Variants in EXOC4 observed in about 807,000 individuals in gnomAD.
EXOC4 encodes SEC8-like 1.
A neutral mutation model predicts 107.2 loss-of-function variants in EXOC4; 71 were observed. That is an observed-to-expected ratio of 0.66 (90% CI 0.55 to 0.81). EXOC4 has a LOEUF of 0.81. Ranked by LOEUF, EXOC4 falls within the 30% of genes least tolerant of loss-of-function variation. The pLI is 0.00. For synonymous variants in EXOC4, 456 were observed against 441.2 expected (o/e 1.03, Z -0.42); for missense variants, 1,108 against 1,189.6 (o/e 0.93, Z 1.01).
chr7:133,851,313 T>C (rs1798235365), intron 11 of EXOC4, among the ~76,000 whole-genome samples: 6 of 152,172 alleles, frequency 3.9e-5, no homozygotes, highest in Admixed American at 2.0e-4. Flanking sequence ...GATCAGATAA[T>C]ATGATAGAAA....
intron 10 of EXOC4, among the ~76,000 whole-genome samples, chr7:133,795,872 A>G (rs1796803183): frequency 6.6e-6 from 1 of 152,178 alleles, no homozygotes; most frequent in Non-Finnish European, 1.5e-5. Flanking sequence ...AAAAATTACC[A>G]TTATTATTCA....
chr7:134,070,156 G>A (rs1375375125), downstream of EXOC4, among the ~76,000 whole-genome samples: 1 of 152,182 alleles, frequency 6.6e-6, no homozygotes, highest in African/African-American at 2.4e-5. Flanking sequence ...GGGTAATGAG[G>A]TACCACGAAC....
intron 7 of EXOC4, among the ~76,000 whole-genome samples, chr7:133,411,919 T>C (rs547551161): frequency 6.6e-6 from 1 of 152,278 alleles, no homozygotes; most frequent in South Asian, 2.1e-4. Context: ...AATACTTGAA[T>C]GTATGTGCTC....
In EXOC4 at chr7:133,744,389, GTC is replaced by G. The variant is rs570783867; in HGVS notation, c.1515-72934_1515-72933del. Reference sequence around the variant, plus strand: ...AGAGCCAGGATTTGAATCCAGGAGAGTCTGATTTAAAAGCACAAACCTTTCAT... The same window carrying G: ...AGAGCCAGGATTTGAATCCAGGAGAGTGATTTAAAAGCACAAACCTTTCAT... On this transcript the variant is annotated intron_variant, in intron 10 of 17. Transcript: ENST00000253861. 7.9e-4 allele frequency among the ~76,000 whole-genome samples: 121 copies of G among 152,202 alleles called. 1 individual carries two copies. The highest frequency in any genetic ancestry group is 6.8e-3 in the Middle Eastern group (2 of 294).
chr7:133,639,229 T>C lies in EXOC4; in HGVS notation c.1514+9088T>C, dbSNP rs77229393. Among the ~76,000 whole-genome samples, 370 of 152,260 alleles carry C rather than the reference T, an allele frequency of 2.4e-3. 5 individuals carry two copies. The highest frequency in any genetic ancestry group is 8.4e-3 in the African/African-American group (347 of 41,552). ...TGTTTCCTTGTATGATTTGGAAAAT[T>C]ATTTTATCATTCCCCTTGCTCCTCA... On this transcript the variant is annotated intron_variant, in intron 10 of 17. Transcript: ENST00000253861.
intron 9 of EXOC4, among the ~76,000 whole-genome samples, chr7:133,622,939 T>A (rs75860441): frequency 0.018 from 2,772 of 152,274 alleles, 53 homozygotes; most frequent in African/African-American, 0.055. Context: ...GAACCTACTC[T>A]ATGTGTGACC....
At chr7:133,335,833 A>G (rs1223089397) in intron 5 of EXOC4, among the ~76,000 whole-genome samples, 1 of 152,154 alleles carries the variant, frequency 6.6e-6, no homozygotes, top group Non-Finnish European at 1.5e-5. Context: ...CTCTATCCTC[A>G]TCAACACTTG....
intron 9 of EXOC4, among the ~76,000 whole-genome samples, chr7:133,591,101 C>G (rs62470025): frequency 0.13 from 20,507 of 152,206 alleles, 1,525 homozygotes; most frequent in East Asian, 0.23. Context: ...CACCCTCTTC[C>G]GGAGTCCCAC....
intron 11 of EXOC4, among the ~76,000 whole-genome samples, chr7:133,866,571 T>C (rs17167308): frequency 0.11 from 17,443 of 152,188 alleles, 1,100 homozygotes; most frequent in Middle Eastern, 0.14. Flanking sequence ...GATTGGTTAA[T>C]TTGAGGCATT....
At chr7:133,927,464 G>A (rs1800078358) in intron 13 of EXOC4, among the ~76,000 whole-genome samples, 1 of 152,184 alleles carries the variant, frequency 6.6e-6, no homozygotes, top group Non-Finnish European at 1.5e-5. Flanking sequence ...CGTAATATAA[G>A]CAACAGCTGT....
At chr7:134,058,628 C>T (rs1266540678) in intron 17 of EXOC4, among the ~76,000 whole-genome samples, 1 of 151,770 alleles carries the variant, frequency 6.6e-6, no homozygotes, top group East Asian at 1.9e-4. Context: ...TTTGTACAAA[C>T]GAATTTGAAT....
chr7:133,281,621 T>C (rs1794144969), intron 2 of EXOC4, among the ~76,000 whole-genome samples: 1 of 152,118 alleles, frequency 6.6e-6, no homozygotes, highest in South Asian at 2.1e-4. Flanking sequence ...TGTTGTATTC[T>C]ATTACAGATA....
chr7:134,005,236 T>A (rs1045246475), intron 16 of EXOC4, 146 bp downstream of exon 16: 10 of 745,312 alleles, frequency 1.3e-5, no homozygotes, highest in Non-Finnish European at 1.9e-5. Flanking sequence ...ATACCTAGCC[T>A]CTTTGTGTAT....
chr7:133,728,687 C>T (rs1355933047), intron 10 of EXOC4, among the ~76,000 whole-genome samples: 3 of 152,118 alleles, frequency 2.0e-5, no homozygotes, highest in African/African-American at 7.2e-5. Flanking sequence ...GGCTCTTACC[C>T]CATTTCATTA....
chr7:133,746,878 C>A (rs9641957), intron 10 of EXOC4, among the ~76,000 whole-genome samples: 150,171 of 152,260 alleles, frequency 0.99, 74,104 homozygotes, highest in Middle Eastern at 1. Flanking sequence ...GTCAGGGCAG[C>A]GTTTTCTCTT....
chr7:133,323,131 T>G (rs934483866), intron 5 of EXOC4, among the ~76,000 whole-genome samples: 5 of 152,188 alleles, frequency 3.3e-5, no homozygotes, highest in African/African-American at 1.2e-4. Context: ...TGGGGTTTTC[T>G]AAATATACAA....
At chr7:133,971,981 G>A (rs2116879987) in intron 14 of EXOC4, among the ~76,000 whole-genome samples, 1 of 145,312 alleles carries the variant, frequency 6.9e-6, no homozygotes, top group South Asian at 2.3e-4. Flanking sequence ...AAGCTATGAA[G>A]TTATTGTGTC....
In EXOC4 at chr7:133,649,466, TC is replaced by T. The variant is rs1269380377; in HGVS notation, c.1514+19326del. ...CTGTGTGTGAAGCATTACTACTTTT[TC>T]TTTTTTTTTTTTTTTTTTAACCAGT... On this transcript the variant is annotated intron_variant, in intron 10 of 17. Coordinates refer to ENST00000253861, the MANE Select transcript of EXOC4 (RefSeq NM_021807.4). Among the ~76,000 whole-genome samples, 225 of 33,748 alleles carry T rather than the reference TC, an allele frequency of 6.7e-3. 8 individuals carry two copies. The highest frequency in any genetic ancestry group is 0.028 in the African/African-American group (206 of 7,316). The allele number at this position is 33,748 out of a possible 152,430, so 22.1% of individuals were successfully genotyped here. A position where few individuals can be genotyped will look rare whatever the true frequency, so the allele number is the denominator to read the frequency against.
intron 14 of EXOC4, among the ~76,000 whole-genome samples, chr7:133,973,732 G>C (rs1237240451): frequency 1.3e-5 from 2 of 152,226 alleles, no homozygotes; most frequent in African/African-American, 4.8e-5. Context: ...TTAGAAACCT[G>C]ATGCATTAAC....
Sources: gnomAD v4.1 joint callset for allele counts (sites outside exome capture counted in the v4.1 genomes callset) on GRCh38, gnomAD v4.1.1 for gene constraint, MANE v1.5 for transcripts, NCBI Gene and HGNC (gene_info 2026-07-23, HGNC 2026-07-21) for gene names.